Variants in CSMD1 observed in about 807,000 individuals in gnomAD.
CSMD1 encodes CUB and Sushi multiple domains 1.
A neutral mutation model predicts 417.5 loss-of-function variants in CSMD1; 213 were observed. The ratio of observed to expected loss-of-function variants is 0.51; its 90% confidence interval spans 0.46 to 0.57. The LOEUF (loss-of-function observed/expected upper bound fraction) is 0.57, where lower values mean the gene tolerates loss of function less well. Ranked by LOEUF, CSMD1 falls within the 20% of genes least tolerant of loss-of-function variation. The pLI is 0.00. For synonymous variants in CSMD1, 2,862 were observed against 1,736.8 expected, an observed-to-expected ratio of 1.65 and a Z score of -16.11; for missense variants, 6,923 against 4,529.7, an observed-to-expected ratio of 1.53 and a Z score of -15.17.
intron 1 of CSMD1, among the ~76,000 whole-genome samples, chr8:4,654,946 C>A (rs1177673385): frequency 6.6e-6 from 1 of 151,018 alleles, no homozygotes; most frequent in African/African-American, 2.4e-5. Context: ...TCCCCCAAAT[C>A]TAAAACAAAA....
intron 23 of CSMD1, among the ~76,000 whole-genome samples, chr8:3,321,487 G>A (rs1295107105): frequency 6.6e-6 from 1 of 152,050 alleles, no homozygotes; most frequent in African/African-American, 2.4e-5. Context: ...GCAATGACAG[G>A]TGCTCTGCGT....
intron 52 of CSMD1, among the ~76,000 whole-genome samples, chr8:3,001,287 C>A (rs1807385554): frequency 6.6e-6 from 1 of 152,272 alleles, no homozygotes; most frequent in African/African-American, 2.4e-5. Flanking sequence ...TGAGCCACCA[C>A]AACATTTTGT....
intron 23 of CSMD1, among the ~76,000 whole-genome samples, chr8:3,320,469 G>T (rs1296645826): frequency 2.6e-5 from 4 of 152,116 alleles, no homozygotes; most frequent in Admixed American, 2.6e-4. Context: ...AAATATAAGG[G>T]ATTATCAACA....
chr8:3,849,814 T>A (rs73508766), intron 5 of CSMD1, among the ~76,000 whole-genome samples: 6,547 of 131,960 alleles, frequency 0.05, 492 homozygotes, highest in African/African-American at 0.21. Context: ...TATATCTTTT[T>A]TTGTTTGGTT....
At chr8:4,242,977 G>T (rs554433371) in intron 3 of CSMD1, among the ~76,000 whole-genome samples, 1 of 152,170 alleles carries the variant, frequency 6.6e-6, no homozygotes, top group Non-Finnish European at 1.5e-5. Flanking sequence ...AAAATTTTAT[G>T]TGTAGTGAAG....
intron 33 of CSMD1, among the ~76,000 whole-genome samples, chr8:3,194,527 G>A (rs1796596675): frequency 6.6e-6 from 1 of 151,210 alleles, no homozygotes; most frequent in Admixed American, 6.6e-5. Flanking sequence ...GTGTGATCTA[G>A]GCTCACTACA....
In CSMD1 at chr8:4,218,402, C is replaced by T. The variant is rs186310536; in HGVS notation, c.416-186303G>A. ...CTTTAAACTTTTCTCTATCTCAACTCGAAAATGACCTTTATATTATATACC... is the reference window on the plus strand; with the variant it reads ...CTTTAAACTTTTCTCTATCTCAACTTGAAAATGACCTTTATATTATATACC... On this transcript the variant is annotated intron_variant, in intron 3 of 69. Transcript: ENST00000635120. 1.1e-4 allele frequency among the ~76,000 whole-genome samples: 17 copies of T among 152,260 alleles called. No homozygotes were observed. The East Asian group carries it at 1.7e-3, about 16-fold the overall frequency.
chr8:3,057,796 T>C (rs1812335125), intron 49 of CSMD1, among the ~76,000 whole-genome samples: 1 of 152,208 alleles, frequency 6.6e-6, no homozygotes, highest in Non-Finnish European at 1.5e-5. Context: ...ATTATGTATT[T>C]TCAATTTTAA....
chr8:4,639,612 G>C (rs1303629008), intron 1 of CSMD1, among the ~76,000 whole-genome samples: 1 of 152,098 alleles, frequency 6.6e-6, no homozygotes, highest in African/African-American at 2.4e-5. Flanking sequence ...GTTTTGAAGG[G>C]ACCTGGGTGT....
chr8:4,440,381 G>A (rs922212947), intron 2 of CSMD1, among the ~76,000 whole-genome samples: 5 of 152,046 alleles, frequency 3.3e-5, no homozygotes, highest in African/African-American at 1.2e-4. Flanking sequence ...AATGAATAAG[G>A]AGTCAGAGGA....
intron 4 of CSMD1, among the ~76,000 whole-genome samples, chr8:4,027,490 G>T (rs568150726): frequency 6.6e-6 from 1 of 152,084 alleles, no homozygotes; most frequent in Admixed American, 6.6e-5. Flanking sequence ...GAGATATGAT[G>T]GCTTTATAAG....
intron 10 of CSMD1, among the ~76,000 whole-genome samples, chr8:3,543,605 ATATAAG>A (rs777286456): frequency 1.4e-4 from 22 of 152,080 alleles, no homozygotes; most frequent in South Asian, 6.2e-4. Context: ...GAAGGATTAA[ATATAAG>A]TATAATAATT....
At chr8:4,522,244 G>A (rs992976395) in intron 2 of CSMD1, among the ~76,000 whole-genome samples, 1 of 152,110 alleles carries the variant, frequency 6.6e-6, no homozygotes, top group East Asian at 1.9e-4. Flanking sequence ...CTCTTTGCCT[G>A]CTGCCATCCA....
intron 1 of CSMD1, among the ~76,000 whole-genome samples, chr8:4,968,651 G>A (rs547684059): frequency 6.6e-6 from 1 of 152,138 alleles, no homozygotes; most frequent in South Asian, 2.1e-4. Flanking sequence ...TCTATCAACA[G>A]CTAGTGTGGT....
intron 11 of CSMD1, among the ~76,000 whole-genome samples, chr8:3,487,077 C>T (rs1217251288): frequency 6.6e-6 from 1 of 152,124 alleles, no homozygotes; most frequent in Non-Finnish European, 1.5e-5. Context: ...CTAACCAGGC[C>T]AAGTAACCAT....
intron 5 of CSMD1, among the ~76,000 whole-genome samples, chr8:3,819,158 A>G (rs1471498492): frequency 1.3e-5 from 2 of 152,192 alleles, no homozygotes; most frequent in South Asian, 2.1e-4. Flanking sequence ...GGAATCTGAC[A>G]TCAGAGGATG....
At chr8:4,410,703 C>A (rs1373154356) in intron 3 of CSMD1, among the ~76,000 whole-genome samples, 1 of 151,822 alleles carries the variant, frequency 6.6e-6, no homozygotes, top group African/African-American at 2.4e-5. Context: ...ATAAAAAAAT[C>A]TTGGGAGAGA....
chr8:4,047,239 A>C (rs1056518247), intron 3 of CSMD1, among the ~76,000 whole-genome samples: 1 of 152,096 alleles, frequency 6.6e-6, no homozygotes, highest in Admixed American at 6.5e-5. Flanking sequence ...GTGTTCATCA[A>C]AGTCATCTAA....
At chr8:3,301,772 G>A (rs1043493148) in intron 25 of CSMD1, among the ~76,000 whole-genome samples, 1 of 152,204 alleles carries the variant, frequency 6.6e-6, no homozygotes, top group Non-Finnish European at 1.5e-5. Flanking sequence ...TCAACGTACA[G>A]TGAGGGTATT....
Sources: gnomAD v4.1 joint callset for allele counts (sites outside exome capture counted in the v4.1 genomes callset) on GRCh38, gnomAD v4.1.1 for gene constraint, MANE v1.5 for transcripts, NCBI Gene and HGNC (gene_info 2026-07-23, HGNC 2026-07-21) for gene names.